FAM167A: variants seen among roughly 807,000 people sequenced by gnomAD.
The protein encoded by FAM167A is protein FAM167A.
In FAM167A, 23 loss-of-function variants were observed where a neutral mutation model predicts 14.9. The ratio of observed to expected loss-of-function variants is 1.55; its 90% CI spans 1.11 to 2.19. The LOEUF is 2.19. FAM167A is among the 30% of genes most tolerant of loss of function. FAM167A has a pLI of 0.00. For synonymous variants in FAM167A, 174 were observed against 117.7 expected (o/e 1.48, Z -3.10); for missense variants, 401 against 281.5 (o/e 1.42, Z -3.04).
chr8:11,463,270 C>G (rs1303210696), intron 1 of FAM167A, among the ~76,000 whole-genome samples: 1 of 152,206 alleles, frequency 6.6e-6, no homozygotes, highest in Non-Finnish European at 1.5e-5. Flanking sequence ...ACTGGAGGGA[C>G]TTAGGTCAGT....
chr8:11,437,079 G>A lies in FAM167A; in HGVS notation c.381+6952C>T, dbSNP rs141045435. The stretch of plus-strand genomic sequence containing the variant: ...AGTCACTTCATACTCCATTACTCGG[G>A]TACCTGTCTTCTTGGGAAGAACATG... On this transcript the variant is annotated intron_variant, in intron 2 of 2. Transcript: ENST00000284486. Among the ~76,000 whole-genome samples, 7 of 152,292 alleles carry A rather than the reference G, an allele frequency of 4.6e-5. No homozygotes were observed. The East Asian group carries it at 1.4e-3, about 29-fold the overall frequency.
At chr8:11,447,600 A>G (rs914856454) in intron 1 of FAM167A, among the ~76,000 whole-genome samples, 1 of 152,156 alleles carries the variant, frequency 6.6e-6, no homozygotes, top group Admixed American at 6.5e-5. Context: ...GGATCACCCC[A>G]TTTCACCAAG....
intron 2 of FAM167A, among the ~76,000 whole-genome samples, chr8:11,431,086 G>A (rs932663064): frequency 1.3e-5 from 2 of 152,236 alleles, no homozygotes; most frequent in African/African-American, 4.8e-5. Flanking sequence ...GAAGGCAAAA[G>A]CTAGAACCTG....
At chr8:11,469,563 A>G (rs1245697941), upstream of FAM167A, among the ~76,000 whole-genome samples, 1 of 152,220 alleles carries the variant, frequency 6.6e-6, no homozygotes, top group Non-Finnish European at 1.5e-5. Flanking sequence ...GCTGTGAAAT[A>G]GATGAGTCAA....
At position 11,423,091 on chromosome 8, in the gene FAM167A, T is replaced by C. The variant is rs1027818614; in HGVS notation, c.*1282A>G. ...AGCTGTGCAACCTGAGGGAAGTCCT[T>C]CTCCTCCCCCAGGTTTCACTTTGCT... On this transcript the variant is annotated 3_prime_UTR_variant, in exon 3 of 3. Coordinates refer to ENST00000284486, the MANE Select transcript of FAM167A (RefSeq NM_053279.3). 7 of 152,480 alleles carry C rather than the reference T, an allele frequency of 4.6e-5. No individual in the cohort carries two copies. Among genetic ancestry groups the C allele is most frequent in the African/African-American group, 1.7e-4 (7 of 41,386 alleles). 9.4% of individuals were successfully genotyped at this position (152,480 alleles called of 1,614,324 possible).
chr8:11,468,595 T>C (rs527698788), upstream of FAM167A, among the ~76,000 whole-genome samples: 1 of 111,182 alleles, frequency 9.0e-6, no homozygotes, highest in East Asian at 2.0e-4. Context: ...GCTGGCTGTT[T>C]CTGACCACAG....
intron 2 of FAM167A, among the ~76,000 whole-genome samples, chr8:11,430,140 G>A (rs1392034536): frequency 3.3e-5 from 5 of 152,142 alleles, no homozygotes; most frequent in Non-Finnish European, 7.4e-5. Flanking sequence ...TCCAGTCCCC[G>A]CTCCCAGCGT....
intron 2 of FAM167A, among the ~76,000 whole-genome samples, chr8:11,439,502 C>G (rs1426101399): frequency 1.3e-5 from 2 of 152,262 alleles, no homozygotes; most frequent in Non-Finnish European, 2.9e-5. Context: ...GTGGGGCCAG[C>G]TGAGTTTAGG....
intron 1 of FAM167A, among the ~76,000 whole-genome samples, chr8:11,448,892 T>A (rs1806906107): frequency 6.6e-6 from 1 of 152,256 alleles, no homozygotes; most frequent in South Asian, 2.1e-4. Context: ...CTCAGTTCCC[T>A]AATCTGTGCA....
At chr8:11,465,773 T>C (rs1178929412) in intron 1 of FAM167A, among the ~76,000 whole-genome samples, 3 of 152,088 alleles carry the variant, frequency 2.0e-5, no homozygotes, top group African/African-American at 7.3e-5. Context: ...GGATAGGACG[T>C]GATCTCATCT....
chr8:11,438,179 C>G, intron 2 of FAM167A: 1 of 455,036 alleles, frequency 2.2e-6, no homozygotes, highest in Middle Eastern at 3.3e-4. Context: ...CTGCCTCTCT[C>G]AGCCCCGGAA....
chr8:11,437,880 A>C (rs1806140857), intron 2 of FAM167A, among the ~76,000 whole-genome samples: 1 of 149,246 alleles, frequency 6.7e-6, no homozygotes, highest in African/African-American at 2.6e-5. Flanking sequence ...GAAGTGAGGA[A>C]TTTGCGTATT....
At chr8:11,472,629 C>G (rs1807996561) in intron 1 of FAM167A, among the ~76,000 whole-genome samples, 1 of 152,064 alleles carries the variant, frequency 6.6e-6, no homozygotes, top group South Asian at 2.1e-4. Flanking sequence ...CAGGGGAGAG[C>G]CTTCTAGACG....
upstream of FAM167A, chr8:11,467,386 A>G (rs1399953003): frequency 6.6e-6 from 1 of 152,560 alleles, no homozygotes; most frequent in Non-Finnish European, 1.5e-5. Context: ...TGCAAACCCT[A>G]AGGCACAGGC....
At chr8:11,450,984 T>A (rs565428554) in intron 1 of FAM167A, among the ~76,000 whole-genome samples, 1 of 152,366 alleles carries the variant, frequency 6.6e-6, no homozygotes, top group Non-Finnish European at 1.5e-5. Flanking sequence ...CAGTCTGATG[T>A]GACAGACCTA....
chr8:11,428,333 C>T (rs1383925769), intron 2 of FAM167A, among the ~76,000 whole-genome samples: 2 of 152,346 alleles, frequency 1.3e-5, no homozygotes, highest in East Asian at 3.9e-4. Context: ...CTTTAAGACC[C>T]ATCAGAGGCA....
chr8:11,427,564 T>C (rs1305322206), intron 2 of FAM167A, among the ~76,000 whole-genome samples: 1 of 152,250 alleles, frequency 6.6e-6, no homozygotes, highest in Non-Finnish European at 1.5e-5. Context: ...ATGAAGGCAG[T>C]GTTCTCACTT....
rs1283388340 is a variant in FAM167A, at chr8:11,464,863, G to C, written c.-398+1763C>G. On this transcript the variant is annotated intron_variant, in intron 1 of 2. Transcript: ENST00000284486. Reference sequence around the variant, plus strand: ...CCTGGGGCTCTGTGGCTCTCTCTCAGCAAATAGTTAGGCATGGCCTTAATT... The same window carrying C: ...CCTGGGGCTCTGTGGCTCTCTCTCACCAAATAGTTAGGCATGGCCTTAATT... 4.6e-5 allele frequency among the ~76,000 whole-genome samples: 7 copies of C among 152,306 alleles called. 1 individual carries two copies. The Middle Eastern group carries it at 0.017, about 370-fold the overall frequency.
intron 1 of FAM167A, among the ~76,000 whole-genome samples, chr8:11,473,257 G>A (rs1216445892): frequency 6.6e-6 from 1 of 152,202 alleles, no homozygotes; most frequent in Non-Finnish European, 1.5e-5. Context: ...AAACCAAGGT[G>A]CAGAGGACAG....
Sources: gnomAD v4.1 joint callset for allele counts (sites outside exome capture counted in the v4.1 genomes callset) on GRCh38, gnomAD v4.1.1 for gene constraint, MANE v1.5 for transcripts, NCBI Gene and HGNC (gene_info 2026-07-23, HGNC 2026-07-21) for gene names.